The following ZNF827 variants were observed in gnomAD, a reference collection of about 807,000 sequenced individuals.
The protein encoded by ZNF827 is zinc finger protein 827.
ZNF827 carries 13 observed loss-of-function variants against 102.4 expected under a neutral mutation model. The ratio of observed to expected loss-of-function variants is 0.13; its 90% CI spans 0.08 to 0.20. The LOEUF (loss-of-function observed/expected upper bound fraction) is 0.20, where lower values mean the gene tolerates loss of function less well. Among genes scored for constraint, ZNF827 ranks in the 10% least tolerant of loss-of-function variants. The pLI, the probability that ZNF827 is intolerant of heterozygous loss-of-function variation, is 1.00. For synonymous variants in ZNF827, 523 were observed against 536.2 expected (o/e 0.98, Z 0.34); for missense variants, 1,103 against 1,344.4 (o/e 0.82, Z 2.81).
chr4:145,792,881 AAAT>A (rs1248570638), intron 8 of ZNF827, among the ~76,000 whole-genome samples: 3 of 152,194 alleles, frequency 2.0e-5, no homozygotes, highest in African/African-American at 7.2e-5. Context: ...GAGAAAGATC[AAAT>A]AATAAACTGC....
At chr4:145,788,725 A>G (rs1003172216) in intron 8 of ZNF827, among the ~76,000 whole-genome samples, 1 of 152,248 alleles carries the variant, frequency 6.6e-6, no homozygotes, top group Non-Finnish European at 1.5e-5. Context: ...CCCATTACAC[A>G]GACCAGTGAC....
chr4:145,907,415 T>G (rs530548411), intron 1 of ZNF827, among the ~76,000 whole-genome samples: 1 of 152,344 alleles, frequency 6.6e-6, no homozygotes, highest in Non-Finnish European at 1.5e-5. Context: ...AGCATTTTTT[T>G]AAATCTAGAA....
chr4:145,845,580 C>G (rs1016668705), intron 7 of ZNF827, among the ~76,000 whole-genome samples: 2 of 152,118 alleles, frequency 1.3e-5, no homozygotes, highest in African/African-American at 4.8e-5. Context: ...CAGAAAGAGG[C>G]CTTCGTGAGA....
intron 2 of ZNF827, among the ~76,000 whole-genome samples, chr4:145,895,725 G>A (rs971489182): frequency 1.3e-4 from 19 of 151,864 alleles, no homozygotes; most frequent in Non-Finnish European, 2.4e-4. Flanking sequence ...ATGTGTTTAT[G>A]ATGTTGTTAA....
intron 1 of ZNF827, among the ~76,000 whole-genome samples, chr4:145,907,548 CAG>C (rs1202441231): frequency 6.6e-6 from 1 of 152,238 alleles, no homozygotes; most frequent in Non-Finnish European, 1.5e-5. Flanking sequence ...CCAACCAGCG[CAG>C]ACTCTTCACA....
At position 145,763,850 on chromosome 4, in the gene ZNF827, C is replaced by T. The variant is rs1734874455; in HGVS notation, c.3231-728G>A. ...ATCACCCCCTCCCCAATCCCTTCTG[C>T]CCTCCCCTCCCCCTCCCCCAAGAGT... On this transcript the variant is annotated intron_variant, in intron 13 of 14. Coordinates refer to ENST00000508784, the MANE Select transcript of ZNF827 (RefSeq NM_001306215.2). This position sits in a 1 kb window ranked among gnomAD's most constrained non-coding sequence, Gnocchi z 4.6. 6.6e-6 allele frequency among the ~76,000 whole-genome samples: 1 copy of T among 152,082 alleles called. No individual in the cohort carries two copies. The highest frequency in any genetic ancestry group is 1.5e-5 in the Non-Finnish European group (1 of 68,018).
intron 11 of ZNF827, among the ~76,000 whole-genome samples, chr4:145,771,601 T>C (rs933622258): frequency 2.3e-4 from 35 of 152,174 alleles, no homozygotes; most frequent in African/African-American, 8.2e-4. Flanking sequence ...CGCCAGACAG[T>C]GGGAGAAAGA....
At chr4:145,932,475 A>AT (rs59749911) in intron 1 of ZNF827, among the ~76,000 whole-genome samples, 7,411 of 136,302 alleles carry the variant, frequency 0.054, 202 homozygotes, top group African/African-American at 0.062. Flanking sequence ...AACTCCTTGT[A>AT]TTTTTTTTTT....
chr4:145,912,643 G>T (rs1225525028), intron 1 of ZNF827, among the ~76,000 whole-genome samples: 1 of 152,162 alleles, frequency 6.6e-6, no homozygotes, highest in African/African-American at 2.4e-5. Flanking sequence ...TTATAAAAGG[G>T]GGAAATTTGG....
chr4:145,763,585 G>A lies in ZNF827; in HGVS notation c.3231-463C>T, dbSNP rs2126856308. 6.6e-6 allele frequency among the ~76,000 whole-genome samples: 1 copy of A among 152,340 alleles called. No homozygotes were observed. Among genetic ancestry groups the A allele is most frequent in the South Asian group, 2.1e-4 (1 of 4,818 alleles). ...GAGGCTGGGGACTTTGGAGGTCCCTGAGGAAAGGCGAACTGGCAAAGCCAC... is the reference window on the plus strand; with the variant it reads ...GAGGCTGGGGACTTTGGAGGTCCCTAAGGAAAGGCGAACTGGCAAAGCCAC... On this transcript the variant is annotated intron_variant, in intron 13 of 14. Transcript: ENST00000508784. This position sits in a 1 kb window ranked among gnomAD's most constrained non-coding sequence, Gnocchi z 4.6.
intron 11 of ZNF827, among the ~76,000 whole-genome samples, chr4:145,766,117 G>A (rs1486179405): frequency 6.6e-6 from 1 of 152,034 alleles, no homozygotes; most frequent in Admixed American, 6.6e-5. Context: ...CCCATTTTAC[G>A]ATGAGGGAAT....
At chr4:145,881,113 A>G (rs1211380137) in intron 4 of ZNF827, among the ~76,000 whole-genome samples, 1 of 152,276 alleles carries the variant, frequency 6.6e-6, no homozygotes, top group Non-Finnish European at 1.5e-5. Flanking sequence ...AATAGATGGA[A>G]GTTGTAGAAC....
At chr4:145,811,782 T>G (rs187261470) in intron 8 of ZNF827, among the ~76,000 whole-genome samples, 3 of 152,344 alleles carry the variant, frequency 2.0e-5, no homozygotes, top group Admixed American at 2.0e-4. Flanking sequence ...AACTTTTGCC[T>G]GATTGGGATC....
chr4:145,788,804 T>A (rs1271160413), intron 8 of ZNF827, among the ~76,000 whole-genome samples: 5 of 152,224 alleles, frequency 3.3e-5, no homozygotes, highest in African/African-American at 1.2e-4. Context: ...TGTCCCAATG[T>A]TGAGGCCATT....
intron 7 of ZNF827, among the ~76,000 whole-genome samples, chr4:145,840,690 A>G (rs986145842): frequency 7.2e-5 from 11 of 152,216 alleles, no homozygotes; most frequent in African/African-American, 2.2e-4. Context: ...GTAATATAGC[A>G]TTATTCTTTT....
At chr4:145,836,892 C>T (rs1744900431) in intron 7 of ZNF827, among the ~76,000 whole-genome samples, 1 of 152,000 alleles carries the variant, frequency 6.6e-6, no homozygotes, top group Non-Finnish European at 1.5e-5. Flanking sequence ...TATTCTGCTA[C>T]TCCTCAGGGA....
chr4:145,870,222 A>C, intron 5 of ZNF827, 23 bp downstream of exon 5: 1 of 1,609,048 alleles, frequency 6.2e-7, no homozygotes, highest in Non-Finnish European at 8.5e-7. Flanking sequence ...CAGAATGTGA[A>C]TATTTTAGAA....
chr4:145,938,390 C>T lies in ZNF827; in HGVS notation c.18G>A (p.Gln6=), dbSNP rs777925504. The change falls in exon 1 of 15, where the codon CAG becomes CAA. Residue 6 remains glutamine, a synonymous_variant. Transcript: ENST00000508784. The part of the protein sequence containing the change: MPRRK[Q]EQPKRLPSHV... ...GTGAGGGAAGGCGCTTGGGCTGCTC[C>T]TGCTTCCTCCTGGGCATTTTCCCCC... is the stretch of plus-strand genomic sequence containing the variant. The T allele has an allele frequency of 6.2e-7, 1 of 1,613,192 alleles. No individual in the cohort carries two copies. The highest frequency in any genetic ancestry group is 1.8e-4 in the Middle Eastern group (1 of 5,502).
chr4:145,925,594 A>G (rs1366134499), intron 1 of ZNF827, among the ~76,000 whole-genome samples: 1 of 152,208 alleles, frequency 6.6e-6, no homozygotes, highest in Non-Finnish European at 1.5e-5. Context: ...ATGAGCACCA[A>G]GTGGGGGTTA....
Sources: allele counts gnomAD v4.1 joint callset (sites outside exome capture counted in the v4.1 genomes callset), GRCh38; gene constraint gnomAD v4.1.1; non-coding constraint Gnocchi (gnomAD v3.1); transcripts MANE v1.5; gene names NCBI Gene and HGNC (gene_info 2026-07-23, HGNC 2026-07-21).